Variants in AGL observed in about 807,000 individuals in gnomAD.
AGL encodes glycogen debranching enzyme.
A neutral mutation model predicts 199.3 loss-of-function variants in AGL; 128 were observed. The observed-to-expected ratio is 0.64, with a 90% CI of 0.56 to 0.74. The LOEUF (loss-of-function observed/expected upper bound fraction) is 0.74, where lower values mean the gene tolerates loss of function less well. AGL is among the 30% of genes least tolerant of loss of function. The pLI is 0.00. For missense variants in AGL, 1,809 were observed against 1,820.8 expected (o/e 0.99, Z 0.12); for synonymous variants, 584 against 594.7 (o/e 0.98, Z 0.26).
chr1:99,868,894 A>G (rs981776768), intron 5 of AGL, among the ~76,000 whole-genome samples: 1 of 148,244 alleles, frequency 6.7e-6, no homozygotes, highest in African/African-American at 2.5e-5. Context: ...GCACAATCTC[A>G]GTTCATTGCA....
chr1:99,904,459 A>G (rs1018131940), intron 27 of AGL, among the ~76,000 whole-genome samples: 3 of 152,130 alleles, frequency 2.0e-5, no homozygotes, highest in Non-Finnish European at 4.4e-5. Context: ...TCAACTTTTA[A>G]AAGTTTTTAC....
chr1:99,861,338 C>G (rs902009408), intron 2 of AGL, 165 bp from the exon 3 acceptor site: 1 of 1,492,736 alleles, frequency 6.7e-7, no homozygotes, highest in African/African-American at 1.4e-5. Flanking sequence ...TGAAATTCAG[C>G]TAAATTGGAA....
At chr1:99,920,053 G>T (rs1193872867) in intron 33 of AGL, among the ~76,000 whole-genome samples, 1 of 152,178 alleles carries the variant, frequency 6.6e-6, no homozygotes, top group African/African-American at 2.4e-5. Flanking sequence ...TATTTGTATG[G>T]ATACATTCCA....
chr1:99,888,235 T>G lies in AGL; in HGVS notation c.2812+127T>G, dbSNP rs983609487. The G allele has an allele frequency of 2.5e-6, 3 of 1,208,486 alleles. No homozygotes were observed. In the African/African-American group the frequency reaches 4.5e-5, roughly 18 times the overall value. The allele number at this position is 1,208,486 out of a possible 1,614,324, so 74.9% of individuals were successfully genotyped here. On this transcript the variant is annotated intron_variant, in intron 21 of 33. Transcript: ENST00000361915. ...GTTGCAATTATGGCTCTGCTTCTGC[T>G]CATTAATTGACCTTTGGCAAGTAAT...
intron 24 of AGL, among the ~76,000 whole-genome samples, chr1:99,893,858 G>A (rs1408136287): frequency 6.6e-6 from 1 of 152,094 alleles, no homozygotes; most frequent in Non-Finnish European, 1.5e-5. Flanking sequence ...ATTTTAAACT[G>A]ATTGGGGATG....
intron 4 of AGL, 51 bp from the exon 5 acceptor site, chr1:99,864,335 T>A (rs1650321108): frequency 6.9e-7 from 1 of 1,458,942 alleles, no homozygotes; most frequent in Non-Finnish European, 9.6e-7. Context: ...CATTTTAGGC[T>A]GGTTTTGTTT....
At chr1:99,861,279 A>G (rs1049150949) in intron 2 of AGL, 1 of 1,392,014 alleles carries the variant, frequency 7.2e-7, no homozygotes, top group Non-Finnish European at 9.3e-7. Flanking sequence ...GGAGAAAGAG[A>G]CATTACAGAG....
At chr1:99,889,728 A>T (rs963493409) in intron 21 of AGL, among the ~76,000 whole-genome samples, 7 of 152,078 alleles carry the variant, frequency 4.6e-5, no homozygotes, top group Admixed American at 4.6e-4. Flanking sequence ...CTCTTTTTCT[A>T]GCCTTTGTCT....
In AGL at chr1:99,880,052, C is replaced by G. The variant is rs1651885607; in HGVS notation, c.1735+6C>G. 1 of 1,613,182 alleles carries G rather than the reference C, an allele frequency of 6.2e-7. No individual in the cohort carries two copies. Among genetic ancestry groups the G allele is most frequent in the Non-Finnish European group, 8.5e-7 (1 of 1,179,418 alleles). Reference sequence around the variant, plus strand: ...CATTAGTTCCTTAATAAGAGGTAGGCTTGTTGGAGTGTATTTCCCTCTAAA... The same window carrying G: ...CATTAGTTCCTTAATAAGAGGTAGGGTTGTTGGAGTGTATTTCCCTCTAAA... On this transcript the variant is annotated splice_donor_region_variant and intron_variant, in intron 13 of 33. Transcript: ENST00000361915.
At chr1:99,861,141 C>G in intron 2 of AGL, 1 of 1,102,094 alleles carries the variant, frequency 9.1e-7, no homozygotes. Flanking sequence ...TAGAGAAGGT[C>G]TCTCCTCAGA....
chr1:99,865,311 G>A (rs1211647064), intron 5 of AGL, among the ~76,000 whole-genome samples: 4 of 152,062 alleles, frequency 2.6e-5, no homozygotes, highest in African/African-American at 9.7e-5. Flanking sequence ...AGGAGCTCTG[G>A]TACTATAGTA....
intron 5 of AGL, among the ~76,000 whole-genome samples, chr1:99,867,774 T>A (rs950749462): frequency 5.3e-5 from 8 of 152,072 alleles, no homozygotes; most frequent in African/African-American, 1.9e-4. Flanking sequence ...CAGGTTCGTC[T>A]CAATCCACCC....
chr1:99,875,365 A>T lies in AGL; in HGVS notation c.1193A>T (p.Asn398Ile). Residue 398 changes from asparagine (N) to isoleucine (I), a missense_variant, in exon 10 of 34, where the codon AAT (asparagine) becomes ATT (isoleucine). By Grantham distance (149) the Asn-to-Ile change is moderately radical (BLOSUM62 -3). Coordinates refer to ENST00000361915, the MANE Select transcript of AGL (RefSeq NM_000642.3). ...LINYHQEQAVNCLLGNVFYER... is the reference protein window; with the variant it reads ...LINYHQEQAVICLLGNVFYER... ...CAATTTAATGTTTTTCAGGCAGTTA[A>T]TTGCCTTTTGGGAAATGTGTTTTAT... 1.9e-6 allele frequency: 3 copies of T among 1,614,128 alleles called. No individual in the cohort carries two copies. Among genetic ancestry groups the T allele is most frequent in the Non-Finnish European group, 2.5e-6 (3 of 1,180,016 alleles).
At chr1:99,877,004 C>G (rs534418040) in intron 11 of AGL, among the ~76,000 whole-genome samples, 1 of 152,158 alleles carries the variant, frequency 6.6e-6, no homozygotes, top group African/African-American at 2.4e-5. Context: ...GCAATTAAAC[C>G]AGAACCTAAT....
intron 2 of AGL, among the ~76,000 whole-genome samples, chr1:99,854,697 G>C (rs1204657818): frequency 6.6e-6 from 1 of 151,618 alleles, no homozygotes; most frequent in Non-Finnish European, 1.5e-5. Flanking sequence ...CCAGGAGGCG[G>C]AGCTTGCAGT....
rs1804808 is a variant in AGL, at chr1:99,921,923, G to T, written c.*272G>T. On this transcript the variant is annotated 3_prime_UTR_variant, in exon 34 of 34. Transcript: ENST00000361915. ...GCCTAGAAATCCATAGTTTGGAAAA[G>T]AAAAATCATGTCATCTTCTATTTGT... 0.35 allele frequency: 87,482 copies of T among 246,618 alleles called. 17,754 individuals are homozygous for T. Among genetic ancestry groups the T allele is most frequent in the East Asian group, 0.59 (7,627 of 12,924 alleles). The allele number at this position is 246,618 out of a possible 1,614,324, so 15.3% of individuals were successfully genotyped here. A position where few individuals can be genotyped will look rare whatever the true frequency, so the allele number is the denominator to read the frequency against.
At chr1:99,901,429 A>G (rs890929800) in intron 26 of AGL, among the ~76,000 whole-genome samples, 2 of 150,898 alleles carry the variant, frequency 1.3e-5, no homozygotes, top group Admixed American at 6.6e-5. Context: ...ATAGGGTTGC[A>G]TAGTGGATTG....
At chr1:99,892,176 T>G (rs563239204) in intron 23 of AGL, among the ~76,000 whole-genome samples, 2 of 152,218 alleles carry the variant, frequency 1.3e-5, no homozygotes, top group South Asian at 4.2e-4. Context: ...CCAAATTGAT[T>G]AGGACATAAT....
intron 5 of AGL, among the ~76,000 whole-genome samples, chr1:99,865,507 C>A (rs1312586670): frequency 6.6e-6 from 1 of 152,188 alleles, no homozygotes; most frequent in Non-Finnish European, 1.5e-5. Context: ...TCAGATTTTT[C>A]CAGCTAGTGA....
Sources: allele counts gnomAD v4.1 joint callset (sites outside exome capture counted in the v4.1 genomes callset), GRCh38; gene constraint gnomAD v4.1.1; transcripts MANE v1.5; gene names NCBI Gene and HGNC (gene_info 2026-07-23, HGNC 2026-07-21).